The following RBM26 variants were observed in gnomAD, a reference collection of about 807,000 sequenced individuals.
RBM26 encodes the protein RNA-binding protein 26.
In RBM26, 30 loss-of-function variants were observed where a neutral mutation model predicts 123.6. That is an observed-to-expected ratio of 0.24 (90% CI 0.18 to 0.33). The LOEUF (loss-of-function observed/expected upper bound fraction) is 0.33, where lower values mean the gene tolerates loss of function less well. Among genes scored for constraint, RBM26 ranks in the 10% least tolerant of loss-of-function variants. RBM26 has a pLI of 1.00. For missense variants in RBM26, 947 were observed against 1,203.6 expected (o/e 0.79, Z 3.15); for synonymous variants, 400 against 404.4 (o/e 0.99, Z 0.13).
At chr13:79,402,366 T>G (rs1815643897) in intron 1 of RBM26, among the ~76,000 whole-genome samples, 1 of 151,886 alleles carries the variant, frequency 6.6e-6, no homozygotes, top group Admixed American at 6.6e-5. Context: ...CCCTGATACA[T>G]GTACAGAAGT....
chr13:79,364,242 A>T (rs2075027413), intron 9 of RBM26, among the ~76,000 whole-genome samples: 1 of 152,234 alleles, frequency 6.6e-6, no homozygotes, highest in Admixed American at 6.5e-5. Flanking sequence ...ATAAATCTGA[A>T]TTAAAACATT....
chr13:79,375,692 A>G (rs993419396), intron 3 of RBM26, among the ~76,000 whole-genome samples: 1 of 152,118 alleles, frequency 6.6e-6, no homozygotes, highest in African/African-American at 2.4e-5. Flanking sequence ...ACTGATTGGG[A>G]TGTTACATGT....
intron 2 of RBM26, among the ~76,000 whole-genome samples, chr13:79,378,252 C>T (rs1289090862): frequency 6.6e-6 from 1 of 152,150 alleles, no homozygotes; most frequent in African/African-American, 2.4e-5. Context: ...TTTTCTTAAT[C>T]TTTTAATCTA....
At chr13:79,402,159 C>A (rs150003435) in intron 1 of RBM26, among the ~76,000 whole-genome samples, 48 of 151,386 alleles carry the variant, frequency 3.2e-4, no homozygotes, top group South Asian at 8.3e-4. Flanking sequence ...TTCAGGACTT[C>A]TCATCATCAA....
At chr13:79,330,934 A>G (rs2069197018) in intron 20 of RBM26, among the ~76,000 whole-genome samples, 1 of 152,128 alleles carries the variant, frequency 6.6e-6, no homozygotes, top group Non-Finnish European at 1.5e-5. Flanking sequence ...AAACACACAC[A>G]CATACACACA....
chr13:79,390,076 T>C (rs1342236809), intron 1 of RBM26, among the ~76,000 whole-genome samples: 1 of 152,090 alleles, frequency 6.6e-6, no homozygotes, highest in Non-Finnish European at 1.5e-5. Context: ...TTTACAAGTT[T>C]ATATATGAGA....
intron 1 of RBM26, among the ~76,000 whole-genome samples, chr13:79,382,493 C>T (rs1036086093): frequency 1.3e-5 from 2 of 152,036 alleles, no homozygotes; most frequent in Non-Finnish European, 2.9e-5. Flanking sequence ...CAAAATCTGC[C>T]AATAAAGTAT....
At chr13:79,349,731 G>A (rs1312534767) in intron 14 of RBM26, among the ~76,000 whole-genome samples, 1 of 148,134 alleles carries the variant, frequency 6.8e-6, no homozygotes, top group Non-Finnish European at 1.5e-5. Context: ...ACAGAGTCTA[G>A]CTCTGCCACC....
At chr13:79,385,057 G>T (rs1442335819) in intron 1 of RBM26, among the ~76,000 whole-genome samples, 1 of 152,100 alleles carries the variant, frequency 6.6e-6, no homozygotes, top group East Asian at 1.9e-4. Flanking sequence ...TGTTAACTGA[G>T]TAACTTTAGA....
downstream of RBM26, among the ~76,000 whole-genome samples, chr13:79,315,936 T>G (rs2067101207): frequency 6.6e-6 from 1 of 151,798 alleles, no homozygotes; most frequent in East Asian, 1.9e-4. Flanking sequence ...ATACATACCT[T>G]TGAGCAACTA....
At chr13:79,345,341 A>T (rs1037797480) in intron 14 of RBM26, among the ~76,000 whole-genome samples, 10 of 151,870 alleles carry the variant, frequency 6.6e-5, no homozygotes, top group African/African-American at 2.4e-4. Context: ...CCTCTAACAA[A>T]GCCTGGATCA....
chr13:79,393,861 A>G (rs990130859), intron 1 of RBM26, among the ~76,000 whole-genome samples: 1 of 152,110 alleles, frequency 6.6e-6, no homozygotes, highest in Non-Finnish European at 1.5e-5. Flanking sequence ...TGTTTTTTCA[A>G]CTAAAATCAG....
intron 1 of RBM26, among the ~76,000 whole-genome samples, chr13:79,389,809 GC>G (rs781590161): frequency 7.2e-5 from 11 of 152,042 alleles, no homozygotes; most frequent in Non-Finnish European, 1.6e-4. Context: ...AAGAAAATAA[GC>G]TTTTTTCCCC....
Position 79,354,574 on chromosome 13 carries a change from A to G in RBM26, c.1855-4T>C. The G allele has an allele frequency of 1.3e-6, 2 of 1,575,810 alleles. No individual in the cohort carries two copies. The highest frequency in any genetic ancestry group is 1.7e-6 in the Non-Finnish European group (2 of 1,157,900). On this transcript the variant is annotated splice_region_variant and splice_polypyrimidine_tract_variant and intron_variant, in intron 12 of 21. Transcript: ENST00000438737. The stretch of plus-strand genomic sequence containing the variant: ...GCTGGACTAAAGGCTGCATTACCTC[A>G]GAACAAGGAAAAAATGTTAAACAAG...
chr13:79,386,083 A>G (rs1414390362), intron 1 of RBM26, among the ~76,000 whole-genome samples: 2 of 142,758 alleles, frequency 1.4e-5, no homozygotes, highest in Non-Finnish European at 3.0e-5. Flanking sequence ...ATTAAATACC[A>G]TATTTTTAAA....
chr13:79,339,248 C>T (rs1175859454), intron 18 of RBM26, among the ~76,000 whole-genome samples: 1 of 152,020 alleles, frequency 6.6e-6, no homozygotes, highest in Non-Finnish European at 1.5e-5. Context: ...TGGTGGTTAC[C>T]AGGGGCTGTG....
chr13:79,325,323 G>A (rs917999875), intron 20 of RBM26, among the ~76,000 whole-genome samples: 5 of 152,002 alleles, frequency 3.3e-5, no homozygotes, highest in South Asian at 4.1e-4. Context: ...AACTGTTATC[G>A]TAGGCCTCAG....
chr13:79,392,702 C>G (rs945133144), intron 1 of RBM26, among the ~76,000 whole-genome samples: 2 of 150,178 alleles, frequency 1.3e-5, no homozygotes, highest in African/African-American at 2.4e-5. Flanking sequence ...TGGAACATCA[C>G]AAGAGACCAC....
chr13:79,369,894 CAT>C (rs2075702869), intron 5 of RBM26, among the ~76,000 whole-genome samples: 1 of 152,110 alleles, frequency 6.6e-6, no homozygotes, highest in Non-Finnish European at 1.5e-5. Context: ...AAATGATGTA[CAT>C]ATTCATCACT....
Sources: gnomAD v4.1 joint callset for allele counts (sites outside exome capture counted in the v4.1 genomes callset) on GRCh38, gnomAD v4.1.1 for gene constraint, MANE v1.5 for transcripts, NCBI Gene and HGNC (gene_info 2026-07-23, HGNC 2026-07-21) for gene names.